The following DHX30 variants were observed in gnomAD, a reference collection of about 807,000 sequenced individuals.
DHX30 encodes the protein ATP-dependent RNA helicase DHX30.
In DHX30, 4 loss-of-function variants were observed where a neutral mutation model predicts 116.9. The ratio of observed to expected loss-of-function variants is 0.03; its 90% CI spans 0.02 to 0.08. DHX30 has a LOEUF of 0.08. DHX30 is among the 10% of genes least tolerant of loss of function. The pLI is 1.00. For synonymous variants in DHX30, 697 were observed against 651.7 expected (o/e 1.07, Z -1.06); for missense variants, 871 against 1,595.1 (o/e 0.55, Z 7.73).
intron 1 of DHX30, among the ~76,000 whole-genome samples, chr3:47,804,453 G>T (rs2035431204): frequency 6.6e-6 from 1 of 152,306 alleles, no homozygotes; most frequent in East Asian, 1.9e-4. Context: ...TACTTGGGAG[G>T]CTGAGGCAAG....
At chr3:47,816,542 G>C in intron 3 of DHX30, 1 of 937,584 alleles carries the variant, frequency 1.1e-6, no homozygotes, top group African/African-American at 1.8e-5. Context: ...ATTTTTAGTA[G>C]AGACGGGGTT....
intron 3 of DHX30, among the ~76,000 whole-genome samples, chr3:47,811,281 A>G (rs2035777964): frequency 6.6e-6 from 1 of 152,096 alleles, no homozygotes. Flanking sequence ...CTAGGCTAGT[A>G]TTTTATACCA....
rs2037697294 is a variant in DHX30 at position 47,848,079 on chromosome 3, C to G, written c.2287-101C>G. On this transcript the variant is annotated intron_variant, in intron 14 of 21. Transcript: ENST00000445061. This position sits in a 1 kb window ranked among gnomAD's most constrained non-coding sequence, Gnocchi z 9.4. Reference sequence around the variant, plus strand: ...CTTCAGAAGGCCGCGCTTGTGGGGTCTCAGTGTTCCTGATGTAGGGGGCTG... The same window carrying G: ...CTTCAGAAGGCCGCGCTTGTGGGGTGTCAGTGTTCCTGATGTAGGGGGCTG... 5 of 1,581,426 alleles carry G rather than the reference C, an allele frequency of 3.2e-6. No homozygotes were observed. Among genetic ancestry groups the G allele is most frequent in the Non-Finnish European group, 4.3e-6 (5 of 1,156,686 alleles).
chr3:47,804,287 T>C (rs2035424335), intron 1 of DHX30, among the ~76,000 whole-genome samples: 1 of 152,138 alleles, frequency 6.6e-6, no homozygotes, highest in Non-Finnish European at 1.5e-5. Context: ...GGGAGCGGTG[T>C]CTCACGCCTG....
intron 3 of DHX30, chr3:47,816,823 A>G: frequency 1.0e-6 from 1 of 985,306 alleles, no homozygotes; most frequent in Non-Finnish European, 1.2e-6. Context: ...GTTGTGAAAA[A>G]TTTCAAAAAT....
chr3:47,808,157 G>C (rs1333640744), intron 2 of DHX30, among the ~76,000 whole-genome samples: 2 of 151,158 alleles, frequency 1.3e-5, no homozygotes, highest in East Asian at 1.9e-4. Context: ...TGATCTGCTT[G>C]CCTCGGCCTC....
intron 5 of DHX30, among the ~76,000 whole-genome samples, 157 bp downstream of exon 5, chr3:47,827,634 G>A (rs1388427255): frequency 2.0e-5 from 3 of 152,174 alleles, no homozygotes; most frequent in African/African-American, 7.2e-5. Flanking sequence ...GTTTGAAGAA[G>A]AGCCAGAATA....
chr3:47,835,686 C>T (rs1168158757), intron 6 of DHX30, among the ~76,000 whole-genome samples: 2 of 152,184 alleles, frequency 1.3e-5, no homozygotes, highest in Non-Finnish European at 2.9e-5. Context: ...AGGTGGTCCA[C>T]CCGCCTCAGC....
chr3:47,849,872 G>A lies in DHX30; in HGVS notation c.3337G>A (p.Gly1113Arg). 1 of 1,611,918 alleles carries A rather than the reference G, an allele frequency of 6.2e-7. No individual in the cohort carries two copies. The change falls in exon 22 of 22, where the codon GGG (glycine) becomes AGG (arginine). Residue 1113 changes from glycine to arginine, a missense_variant. Around this residue, in one of 13 missense-constraint regions of DHX30, gnomAD observed 238 missense variants for 481.0 expected, o/e 0.49. Coordinates refer to ENST00000445061, the MANE Select transcript of DHX30 (RefSeq NM_138615.3). ...CATCTTTTCCATTCCCTCAGATGAC[G>A]GGCGCCGGGCCACCATCTCACTGAG... Reference protein sequence around the residue: ...TDGDVHIRDDGRRATISLSDS... With the variant: ...TDGDVHIRDDRRRATISLSDS...
Position 47,804,423 on chromosome 3 carries a change from C to T in DHX30, c.-122-903C>T, listed in dbSNP as rs575280813. Among the ~76,000 whole-genome samples the T allele has an allele frequency of 2.6e-4, 39 of 152,222 alleles. No individual in the cohort carries two copies. In the South Asian group the frequency reaches 2.7e-3, roughly 11 times the overall value. Reference sequence around the variant, plus strand: ...TACAAAAATTAGCCGGGCATGGTGGCGTGCGCCTGTAACCCTAGCTACTTG... The same window carrying T: ...TACAAAAATTAGCCGGGCATGGTGGTGTGCGCCTGTAACCCTAGCTACTTG... On this transcript the variant is annotated intron_variant, in intron 1 of 21. Coordinates refer to ENST00000445061, the MANE Select transcript of DHX30 (RefSeq NM_138615.3).
chr3:47,817,430 A>G (rs970232207), intron 3 of DHX30, among the ~76,000 whole-genome samples: 5 of 152,194 alleles, frequency 3.3e-5, no homozygotes, highest in African/African-American at 7.2e-5. Flanking sequence ...TTAGCCCCCA[A>G]ATGAATGGAA....
chr3:47,830,188 G>T (rs1226838741), intron 6 of DHX30, among the ~76,000 whole-genome samples: 1 of 149,792 alleles, frequency 6.7e-6, no homozygotes, highest in African/African-American at 2.4e-5. Context: ...GGTGGCTCAC[G>T]CCTGTATTCC....
At position 47,829,306 on chromosome 3, in the gene DHX30, ATATATATAT is replaced by A. The variant is rs1337107440; in HGVS notation, c.366+174_366+182del. Among the ~76,000 whole-genome samples, 38 of 33,442 alleles carry A rather than the reference ATATATATAT, an allele frequency of 1.1e-3. 1 individual carries two copies. Among genetic ancestry groups the A allele is most frequent in the African/African-American group, 2.8e-3 (33 of 11,984 alleles). The allele number at this position is 33,442 out of a possible 152,430, so 21.9% of individuals were successfully genotyped here. On this transcript the variant is annotated intron_variant, in intron 6 of 21. Coordinates refer to ENST00000445061, the MANE Select transcript of DHX30 (RefSeq NM_138615.3). ...CAATGAGATATATATATATATATAT[ATATATATAT>A]TTTTTTTTTTTTTTTCCTGTGTTTT...
chr3:47,847,383 G>C lies in DHX30; in HGVS notation c.2005+35G>C. On this transcript the variant is annotated intron_variant, in intron 12 of 21. Coordinates refer to ENST00000445061, the MANE Select transcript of DHX30 (RefSeq NM_138615.3). This position sits in a 1 kb window ranked among gnomAD's most constrained non-coding sequence, Gnocchi z 5.5. ...TCCCCATCTGTCCCATGCTAGCCCT[G>C]GCCACGTTTGCAGCAACAGCTGGCT... The C allele has an allele frequency of 6.2e-7, 1 of 1,614,188 alleles. No individual in the cohort carries two copies.
rs2037647381 is a variant in DHX30 at position 47,847,138 on chromosome 3, A to G, written c.1930-135A>G. On this transcript the variant is annotated intron_variant, in intron 11 of 21. Coordinates refer to ENST00000445061, the MANE Select transcript of DHX30 (RefSeq NM_138615.3). This position sits in a 1 kb window ranked among gnomAD's most constrained non-coding sequence, Gnocchi z 5.5. ...GTTTCCTTGATAGAAACTGGGGACT[A>G]ACCCTGCCTGCGTGGCACACGTGAG... 2 of 1,475,064 alleles carry G rather than the reference A, an allele frequency of 1.4e-6. No homozygotes were observed. The highest frequency in any genetic ancestry group is 1.9e-6 in the Non-Finnish European group (2 of 1,068,460). 91.4% of individuals were successfully genotyped at this position (1,475,064 alleles called of 1,614,324 possible).
In DHX30 at chr3:47,850,122, C is replaced by A; in HGVS notation, c.*2C>A. On this transcript the variant is annotated 3_prime_UTR_variant, in exon 22 of 22. Coordinates refer to ENST00000445061, the MANE Select transcript of DHX30 (RefSeq NM_138615.3). Reference sequence around the variant, plus strand: ...GTGCGCAAGACAGCTGACGACTGAGCCCTGCTTCTGCTGGGGCTGTGTACA... The same window carrying A: ...GTGCGCAAGACAGCTGACGACTGAGACCTGCTTCTGCTGGGGCTGTGTACA... 6.3e-7 allele frequency: 1 copy of A among 1,583,346 alleles called. No individual in the cohort carries two copies. Among genetic ancestry groups the A allele is most frequent in the South Asian group, 1.1e-5 (1 of 88,606 alleles).
chr3:47,816,727 C>T (rs2036075741), intron 3 of DHX30: 3 of 985,602 alleles, frequency 3.0e-6, no homozygotes, highest in Non-Finnish European at 3.6e-6. Flanking sequence ...AGTTCTGAAA[C>T]AGCCACTGTG....
chr3:47,813,945 C>T (rs1208445575), intron 3 of DHX30, among the ~76,000 whole-genome samples: 1 of 98,852 alleles, frequency 1.0e-5, no homozygotes, highest in East Asian at 3.4e-4. Flanking sequence ...AAAAACTGAA[C>T]TTGAGATTAG....
chr3:47,825,643 C>T (rs2036519931), intron 4 of DHX30, among the ~76,000 whole-genome samples: 1 of 152,170 alleles, frequency 6.6e-6, no homozygotes, highest in Non-Finnish European at 1.5e-5. Context: ...AATGACTGTT[C>T]TGGTGGATTC....
Sources: gnomAD v4.1 joint callset for allele counts (sites outside exome capture counted in the v4.1 genomes callset) on GRCh38, gnomAD v4.1.1 for gene constraint, gnomAD v4.1.1 regional missense constraint, Gnocchi (gnomAD v3.1) non-coding constraint, MANE v1.5 for transcripts, NCBI Gene and HGNC (gene_info 2026-07-23, HGNC 2026-07-21) for gene names.